COL19A1: variants seen among roughly 807,000 people sequenced by gnomAD.
COL19A1 encodes collagen type XIX alpha 1 chain, also known as collagen alpha-1(XIX) chain.
Under a neutral mutation model 190.2 loss-of-function variants are expected in COL19A1, and 159 were observed. The ratio of observed to expected loss-of-function variants is 0.84; its 90% confidence interval spans 0.73 to 0.95. The LOEUF (loss-of-function observed/expected upper bound fraction) is 0.95. COL19A1 is among the 40% of genes least tolerant of loss of function. The probability of loss-of-function intolerance (pLI) is 0.00; values close to 1 mark genes in which losing one functional copy is unlikely to be tolerated. For missense variants in COL19A1, 1,418 were observed against 1,431.9 expected, an observed-to-expected ratio of 0.99 and a Z score of 0.16; for synonymous variants, 509 against 458.9, an observed-to-expected ratio of 1.11 and a Z score of -1.39.
intron 10 of COL19A1, among the ~76,000 whole-genome samples, chr6:69,962,387 T>TA (rs1222115897): frequency 1.3e-5 from 2 of 152,202 alleles, no homozygotes; most frequent in African/African-American, 2.4e-5. Context: ...ATAAGACACT[T>TA]ACCAGAATGG....
intron 11 of COL19A1, among the ~76,000 whole-genome samples, chr6:70,006,703 TTTC>T (rs1777648533): frequency 6.6e-6 from 1 of 152,138 alleles, no homozygotes; most frequent in Non-Finnish European, 1.5e-5. Flanking sequence ...TATTTGTATT[TTTC>T]TTCTAATTTT....
intron 33 of COL19A1, 97 bp downstream of exon 33, chr6:70,156,466 C>CGA: frequency 1.0e-6 from 1 of 998,844 alleles, no homozygotes; most frequent in East Asian, 2.7e-5. Flanking sequence ...AAAATACATA[C>CGA]TATATATATA....
chr6:70,085,983 G>A (rs575436953), intron 15 of COL19A1, among the ~76,000 whole-genome samples: 2 of 152,178 alleles, frequency 1.3e-5, no homozygotes, highest in East Asian at 3.9e-4. Context: ...TGATATTTGC[G>A]GGATAAGGTT....
chr6:70,006,130 C>T (rs977687004), intron 11 of COL19A1, among the ~76,000 whole-genome samples: 1 of 152,178 alleles, frequency 6.6e-6, no homozygotes, highest in Admixed American at 6.5e-5. Flanking sequence ...GCTGCTACCC[C>T]TTCCTCAGGG....
chr6:69,919,130 C>T (rs1398734244), intron 4 of COL19A1, among the ~76,000 whole-genome samples: 1 of 152,180 alleles, frequency 6.6e-6, no homozygotes, highest in African/African-American at 2.4e-5. Flanking sequence ...GTCTGTCTAA[C>T]TCAGGAGAGC....
chr6:70,118,766 G>A (rs190438536), intron 16 of COL19A1, among the ~76,000 whole-genome samples: 5 of 152,130 alleles, frequency 3.3e-5, no homozygotes, highest in East Asian at 1.9e-4. Context: ...GAATAATAAC[G>A]TTCAACCTTT....
chr6:69,921,395 CAT>C (rs374740274), intron 4 of COL19A1, among the ~76,000 whole-genome samples: 2 of 80,360 alleles, frequency 2.5e-5, no homozygotes, highest in Non-Finnish European at 4.5e-5. Flanking sequence ...TCATATATAT[CAT>C]ATATCATATA....
At position 70,190,361 on chromosome 6, in the gene COL19A1, AG is replaced by A; in HGVS notation, c.3076del (p.Val1026SerfsTer2). On this transcript the variant is annotated frameshift_variant, in exon 48 of 51. Transcript: ENST00000620364. LOFTEE classifies it high-confidence loss of function. ...FEEIKKYINQ[E>X]VLRIFEERMA... ...GAAATAAAGAAGTATATTAATCAAG[AG>A]GTCCTAAGGATTTTTGAAGGTTAGA... is the stretch of plus-strand genomic sequence containing the variant. 6.2e-7 allele frequency: 1 copy of A among 1,603,980 alleles called. No individual in the cohort carries two copies. The highest frequency in any genetic ancestry group is 1.3e-5 in the African/African-American group (1 of 74,644).
intron 15 of COL19A1, among the ~76,000 whole-genome samples, chr6:70,090,540 C>T (rs759213854): frequency 1.4e-4 from 21 of 152,032 alleles, no homozygotes; most frequent in Non-Finnish European, 2.5e-4. Context: ...GAACAAATCT[C>T]CCACAGATAC....
intron 2 of COL19A1, among the ~76,000 whole-genome samples, chr6:69,880,746 G>A (rs12201139): frequency 0.084 from 12,712 of 152,224 alleles, 769 homozygotes; most frequent in Middle Eastern, 0.26. Context: ...TACAATTTGG[G>A]GGGGAAACTC....
intron 11 of COL19A1, among the ~76,000 whole-genome samples, chr6:69,968,507 A>G (rs1231980178): frequency 1.3e-5 from 2 of 152,186 alleles, no homozygotes; most frequent in Admixed American, 6.5e-5. Context: ...TACTAGTACC[A>G]CAAATAAATA....
At chr6:70,091,248 A>G (rs1250874895) in intron 15 of COL19A1, among the ~76,000 whole-genome samples, 2 of 152,150 alleles carry the variant, frequency 1.3e-5, no homozygotes, top group Non-Finnish European at 2.9e-5. Flanking sequence ...TGGGCAAGTT[A>G]TGTTGTCACT....
intron 17 of COL19A1, among the ~76,000 whole-genome samples, chr6:70,129,177 A>T (rs1418293702): frequency 1.3e-5 from 2 of 152,220 alleles, no homozygotes; most frequent in Non-Finnish European, 2.9e-5. Flanking sequence ...TGGACGCAAA[A>T]AGCACTAACT....
intron 14 of COL19A1, among the ~76,000 whole-genome samples, chr6:70,067,684 A>G (rs76152162): frequency 0.018 from 2,749 of 152,176 alleles, 30 homozygotes; most frequent in Middle Eastern, 0.031. Context: ...TGAGACAAAA[A>G]TCTCCCGCAT....
Position 70,127,026 on chromosome 6 carries a change from T to C in COL19A1, c.1342-3156T>C, listed in dbSNP as rs137997557. 2.2e-3 allele frequency among the ~76,000 whole-genome samples: 341 copies of C among 152,332 alleles called. 1 individual carries two copies. Among genetic ancestry groups the C allele is most frequent in the African/African-American group, 7.8e-3 (326 of 41,574 alleles). On this transcript the variant is annotated intron_variant, in intron 17 of 50. Transcript: ENST00000620364. ...TACTGGCTCATTTGCCCAACAGATATTTATTGAATGCCAGGGGAGGCTTTC... is the reference window on the plus strand; with the variant it reads ...TACTGGCTCATTTGCCCAACAGATACTTATTGAATGCCAGGGGAGGCTTTC...
intron 14 of COL19A1, among the ~76,000 whole-genome samples, chr6:70,053,899 G>T (rs1388620833): frequency 6.6e-6 from 1 of 152,174 alleles, no homozygotes; most frequent in Admixed American, 6.5e-5. Flanking sequence ...AGATCTCACA[G>T]ATTTTATGAA....
At chr6:70,083,706 A>G (rs1304538536) in intron 15 of COL19A1, among the ~76,000 whole-genome samples, 1 of 152,232 alleles carries the variant, frequency 6.6e-6, no homozygotes, top group Non-Finnish European at 1.5e-5. Context: ...AGCCAGGTCA[A>G]TTCTGAAAAT....
intron 27 of COL19A1, among the ~76,000 whole-genome samples, chr6:70,147,199 C>A (rs910227848): frequency 5.3e-5 from 8 of 151,948 alleles, no homozygotes; most frequent in Admixed American, 4.6e-4. Flanking sequence ...AGTAAGAATG[C>A]CTAATATTAG....
In COL19A1 at chr6:70,199,698, AT is replaced by A; in HGVS notation, c.3186del (p.Asp1062GlufsTer85). The A allele has an allele frequency of 6.2e-7, 1 of 1,611,130 alleles. No homozygotes were observed. The highest frequency in any genetic ancestry group is 8.5e-7 in the Non-Finnish European group (1 of 1,178,260). ...AYGRPGPPGK[D>X]GLPGPPGDPG... ...GGGAGACCTGGGCCACCAGGGAAGG[AT>A]GGGTTGCCTGGGCCACCAGGAGACC... On this transcript the variant is annotated frameshift_variant, in exon 49 of 51. Transcript: ENST00000620364. LOFTEE classifies it high-confidence loss of function.
Sources: allele counts gnomAD v4.1 joint callset (sites outside exome capture counted in the v4.1 genomes callset), GRCh38; gene constraint gnomAD v4.1.1; transcripts MANE v1.5; gene names NCBI Gene and HGNC (gene_info 2026-07-23, HGNC 2026-07-21).